The following KIRREL3 variants were observed in gnomAD, a reference collection of about 807,000 sequenced individuals.
The protein encoded by KIRREL3 is kin of IRRE-like protein 3.
Under a neutral mutation model 89.7 loss-of-function variants are expected in KIRREL3, and 36 were observed. The observed-to-expected ratio is 0.40, with a 90% CI of 0.31 to 0.53. The LOEUF (loss-of-function observed/expected upper bound fraction) is 0.53. KIRREL3 is among the 20% of genes least tolerant of loss of function. The pLI is 0.49. For synonymous variants in KIRREL3, 445 were observed against 441.4 expected, an observed-to-expected ratio of 1.01 and a Z score of -0.10; for missense variants, 864 against 1,056.6, an observed-to-expected ratio of 0.82 and a Z score of 2.53.
chr11:126,780,036 C>T lies in KIRREL3; in HGVS notation c.56-217124G>A, dbSNP rs1436157525. On this transcript the variant is annotated intron_variant, in intron 1 of 16. Transcript: ENST00000525144. The surrounding 1 kb of genome is among the most constrained non-coding windows in gnomAD (Gnocchi z 5.3). ...TGTGGCTTCAACAGGGAGCCCCACG[C>T]TGTATCTGGAAGGGAGGACTGAACT... is the stretch of plus-strand genomic sequence containing the variant. Among the ~76,000 whole-genome samples the T allele has an allele frequency of 1.3e-5, 2 of 152,002 alleles. No homozygotes were observed. The highest frequency in any genetic ancestry group is 2.9e-5 in the Non-Finnish European group (2 of 68,026).
Position 126,431,388 on chromosome 11 carries a change from C to A in KIRREL3, c.1696+31G>T. 1.2e-6 allele frequency: 2 copies of A among 1,612,902 alleles called. No individual in the cohort carries two copies. The highest frequency in any genetic ancestry group is 1.7e-6 in the Non-Finnish European group (2 of 1,179,464). On this transcript the variant is annotated intron_variant, in intron 14 of 16. Coordinates refer to ENST00000525144, the MANE Select transcript of KIRREL3 (RefSeq NM_032531.4). This position sits in a 1 kb window ranked among gnomAD's most constrained non-coding sequence, Gnocchi z 7.1. ...AAGCCTGGCCTTTTTCTCTGTCCCC[C>A]TCCCTGAGATCCCGGATCTCCCTCC... is the stretch of plus-strand genomic sequence containing the variant.
At chr11:126,510,508 T>G (rs1005583127) in intron 4 of KIRREL3, among the ~76,000 whole-genome samples, 3 of 146,624 alleles carry the variant, frequency 2.0e-5, no homozygotes, top group African/African-American at 7.7e-5. Flanking sequence ...GACCAGACAC[T>G]GCACCCTTTG....
chr11:126,536,777 C>T (rs1355028622), intron 2 of KIRREL3, among the ~76,000 whole-genome samples: 2 of 151,004 alleles, frequency 1.3e-5, no homozygotes, highest in South Asian at 2.1e-4. Flanking sequence ...CCAAAGTAGC[C>T]GAGACTACAG....
At chr11:126,453,631 T>C (rs1464563321) in intron 7 of KIRREL3, among the ~76,000 whole-genome samples, 1 of 152,168 alleles carries the variant, frequency 6.6e-6, no homozygotes, top group East Asian at 1.9e-4. Context: ...GTGAAGGGGC[T>C]GAGCGAGTGT....
chr11:126,889,278 C>T (rs1945815985), intron 1 of KIRREL3, among the ~76,000 whole-genome samples: 1 of 150,284 alleles, frequency 6.7e-6, no homozygotes, highest in Middle Eastern at 3.2e-3. Flanking sequence ...TCTTGAAAGA[C>T]TAGTTTGCCT....
chr11:126,871,052 G>C (rs1305722365), intron 1 of KIRREL3, among the ~76,000 whole-genome samples: 1 of 152,162 alleles, frequency 6.6e-6, no homozygotes, highest in Non-Finnish European at 1.5e-5. Flanking sequence ...AGCATCCACG[G>C]AGCCTCTTTT....
rs1332022584 is a variant in KIRREL3 at position 126,769,597 on chromosome 11, G to A, written c.56-206685C>T. Among the ~76,000 whole-genome samples, 1 of 152,206 alleles carries A rather than the reference G, an allele frequency of 6.6e-6. No homozygotes were observed. Among genetic ancestry groups the A allele is most frequent in the Non-Finnish European group, 1.5e-5 (1 of 68,044 alleles). On this transcript the variant is annotated intron_variant, in intron 1 of 16. Transcript: ENST00000525144. This position sits in a 1 kb window ranked among gnomAD's most constrained non-coding sequence, Gnocchi z 4.3. ...ATGCATGGACAGAGTTCTCAATCCT[G>A]TCTTTCAAGCCTTCTTTCCTTCATT...
At position 126,710,166 on chromosome 11, in the gene KIRREL3, TA is replaced by T. The variant is rs1457509120; in HGVS notation, c.56-147255del. 1.3e-5 allele frequency among the ~76,000 whole-genome samples: 2 copies of T among 152,126 alleles called. No individual in the cohort carries two copies. Among genetic ancestry groups the T allele is most frequent in the Admixed American group, 6.5e-5 (1 of 15,272 alleles). On this transcript the variant is annotated intron_variant, in intron 1 of 16. Coordinates refer to ENST00000525144, the MANE Select transcript of KIRREL3 (RefSeq NM_032531.4). This position sits in a 1 kb window ranked among gnomAD's most constrained non-coding sequence, Gnocchi z 4.2. ...TACTATTCTGTCCTGTGTCCATCAG[TA>T]GATGGGCTGGCATCAGTGGACCCCA...
chr11:126,698,299 T>C (rs1235651340), intron 1 of KIRREL3, among the ~76,000 whole-genome samples: 1 of 152,226 alleles, frequency 6.6e-6, no homozygotes, highest in Non-Finnish European at 1.5e-5. Flanking sequence ...AGAATCCTTC[T>C]GACACATATC....
Position 126,526,273 on chromosome 11 carries a change from T to A in KIRREL3, c.283+265A>T, listed in dbSNP as rs183767965. On this transcript the variant is annotated intron_variant, in intron 3 of 16. Transcript: ENST00000525144. This position sits in a 1 kb window ranked among gnomAD's most constrained non-coding sequence, Gnocchi z 5.7. ...GAATCATGTTTGACTTTGGAGTAGGTGCTTGAGGGCAATGTCGAGTTAGGT... is the reference window on the plus strand; with the variant it reads ...GAATCATGTTTGACTTTGGAGTAGGAGCTTGAGGGCAATGTCGAGTTAGGT... Among the ~76,000 whole-genome samples the A allele has an allele frequency of 1.3e-5, 2 of 152,300 alleles. No homozygotes were observed. The highest frequency in any genetic ancestry group is 1.9e-4 in the East Asian group (1 of 5,180).
Position 126,449,235 on chromosome 11 carries a change from T to C in KIRREL3, c.849-78A>G, listed in dbSNP as rs889791714. The C allele has an allele frequency of 2.0e-5, 30 of 1,530,152 alleles. No homozygotes were observed. The African/African-American group carries it at 3.3e-4, about 17-fold the overall frequency. The allele number at this position is 1,530,152 out of a possible 1,614,324, so 94.8% of individuals were successfully genotyped here. A position where few individuals can be genotyped will look rare whatever the true frequency, so the allele number is the denominator to read the frequency against. On this transcript the variant is annotated intron_variant, in intron 7 of 16. Coordinates refer to ENST00000525144, the MANE Select transcript of KIRREL3 (RefSeq NM_032531.4). ...CCGGGAGCTGGACACATCCATCCCA[T>C]GGAAAAATGAGGCCTGGGTTGTGTG... is the stretch of plus-strand genomic sequence containing the variant.
At position 126,783,855 on chromosome 11, in the gene KIRREL3, T is replaced by C. The variant is rs1388944933; in HGVS notation, c.55+216600A>G. ...AGAGGAGCTTTGCAGTGGAGGAAAC[T>C]GACCAATACTATTTCAGCCAGGTGA... On this transcript the variant is annotated intron_variant, in intron 1 of 16. Coordinates refer to ENST00000525144, the MANE Select transcript of KIRREL3 (RefSeq NM_032531.4). The surrounding 1 kb of genome is among the most constrained non-coding windows in gnomAD (Gnocchi z 4.3). Among the ~76,000 whole-genome samples, 1 of 152,242 alleles carries C rather than the reference T, an allele frequency of 6.6e-6. No homozygotes were observed. The highest frequency in any genetic ancestry group is 1.5e-5 in the Non-Finnish European group (1 of 68,050).
At chr11:126,673,387 A>T (rs747408564) in intron 1 of KIRREL3, among the ~76,000 whole-genome samples, 3 of 152,194 alleles carry the variant, frequency 2.0e-5, no homozygotes, top group Admixed American at 6.5e-5. Flanking sequence ...ATTTATGGAT[A>T]GACCTTTAAC....
At position 126,750,598 on chromosome 11, in the gene KIRREL3, C is replaced by T. The variant is rs898366456; in HGVS notation, c.56-187686G>A. Among the ~76,000 whole-genome samples the T allele has an allele frequency of 1.3e-5, 2 of 152,202 alleles. No homozygotes were observed. Among genetic ancestry groups the T allele is most frequent in the Non-Finnish European group, 2.9e-5 (2 of 68,050 alleles). On this transcript the variant is annotated intron_variant, in intron 1 of 16. Transcript: ENST00000525144. This position sits in a 1 kb window ranked among gnomAD's most constrained non-coding sequence, Gnocchi z 4.2. ...GGCTAGTGGTAAAGCTTCTACAGAACTGTTTAGTGGGAAAGAATCAACCTG... is the reference window on the plus strand; with the variant it reads ...GGCTAGTGGTAAAGCTTCTACAGAATTGTTTAGTGGGAAAGAATCAACCTG...
chr11:126,786,741 C>T (rs546762687), intron 1 of KIRREL3, among the ~76,000 whole-genome samples: 10 of 152,298 alleles, frequency 6.6e-5, no homozygotes, highest in East Asian at 1.9e-4. Context: ...GTGCTGCCAC[C>T]GGGCTCCTTG....
rs553781714 is a variant in KIRREL3 at position 126,684,800 on chromosome 11, G to T, written c.56-121888C>A. 1.3e-5 allele frequency among the ~76,000 whole-genome samples: 2 copies of T among 152,258 alleles called. No individual in the cohort carries two copies. The highest frequency in any genetic ancestry group is 2.1e-4 in the South Asian group (1 of 4,820). On this transcript the variant is annotated intron_variant, in intron 1 of 16. Coordinates refer to ENST00000525144, the MANE Select transcript of KIRREL3 (RefSeq NM_032531.4). This position sits in a 1 kb window ranked among gnomAD's most constrained non-coding sequence, Gnocchi z 4.2. ...ACACCTCTAAAGAAAGGAAAGGTGC[G>T]GCAGGTTGCGTGTGCGGGAGGGGAG...
intron 1 of KIRREL3, among the ~76,000 whole-genome samples, chr11:126,632,603 T>C (rs1323163729): frequency 6.6e-6 from 1 of 151,888 alleles, no homozygotes; most frequent in Non-Finnish European, 1.5e-5. Flanking sequence ...ACAGATTGCC[T>C]TCTTACCTTC....
rs1270340136 is a variant in KIRREL3 at position 126,541,488 on chromosome 11, G to C, written c.134-14801C>G. Among the ~76,000 whole-genome samples, 1 of 152,102 alleles carries C rather than the reference G, an allele frequency of 6.6e-6. No individual in the cohort carries two copies. The highest frequency in any genetic ancestry group is 1.5e-5 in the Non-Finnish European group (1 of 68,028). On this transcript the variant is annotated intron_variant, in intron 2 of 16. Coordinates refer to ENST00000525144, the MANE Select transcript of KIRREL3 (RefSeq NM_032531.4). The surrounding 1 kb of genome is among the most constrained non-coding windows in gnomAD (Gnocchi z 4.8). Reference sequence around the variant, plus strand: ...CTCAAGGACACTTGGCCTTTTGGGGGCTCAGATCTATATCCTAAACATTAA... The same window carrying C: ...CTCAAGGACACTTGGCCTTTTGGGGCCTCAGATCTATATCCTAAACATTAA...
At chr11:126,469,803 G>C (rs1956835933) in intron 5 of KIRREL3, among the ~76,000 whole-genome samples, 1 of 152,256 alleles carries the variant, frequency 6.6e-6, no homozygotes, top group Admixed American at 6.5e-5. Context: ...AGGGTCTCAG[G>C]CCTCTGCTGC....
Sources: allele counts gnomAD v4.1 joint callset (sites outside exome capture counted in the v4.1 genomes callset), GRCh38; gene constraint gnomAD v4.1.1; non-coding constraint Gnocchi (gnomAD v3.1); transcripts MANE v1.5; gene names NCBI Gene and HGNC (gene_info 2026-07-23, HGNC 2026-07-21).